The following SFPQ variants were observed in gnomAD, a reference collection of about 807,000 sequenced individuals.
SFPQ encodes the protein splicing factor proline and glutamine rich.
A neutral mutation model predicts 72.9 loss-of-function variants in SFPQ; 11 were observed. That is an observed-to-expected ratio of 0.15 (90% confidence interval 0.09 to 0.25). The LOEUF (loss-of-function observed/expected upper bound fraction) is 0.25, where lower values mean the gene tolerates loss of function less well. Ranked by LOEUF, SFPQ falls within the 10% of genes least tolerant of loss-of-function variation. SFPQ has a pLI of 1.00. For synonymous variants in SFPQ, 506 were observed against 367.3 expected (o/e 1.38, Z -4.32); for missense variants, 847 against 993.3 (o/e 0.85, Z 1.98).
downstream of SFPQ, chr1:35,179,669 G>A (rs1570106100): frequency 3.8e-6 from 4 of 1,055,888 alleles, 1 homozygote; most frequent in South Asian, 9.1e-5. Flanking sequence ...TCATTCTAAA[G>A]TGCAAAAGCC....
At chr1:35,177,797 G>A (rs960229498) in intron 4 of SFPQ, 1 of 184,308 alleles carries the variant, frequency 5.4e-6, no homozygotes, top group African/African-American at 2.4e-5. Flanking sequence ...AAATTCTATT[G>A]TTTGACATTT....
chr1:35,179,722 C>G (rs1340688235), downstream of SFPQ: 3 of 1,057,196 alleles, frequency 2.8e-6, no homozygotes, highest in Non-Finnish European at 3.4e-6. Context: ...ATTAACCCCC[C>G]ACCCCAATAA....
rs756649688 is a variant in SFPQ, at chr1:35,191,540, A to C, written c.829-11T>G. The C allele has an allele frequency of 5.6e-6, 9 of 1,600,424 alleles. No individual in the cohort carries two copies. Among genetic ancestry groups the C allele is most frequent in the East Asian group, 2.2e-5 (1 of 44,798 alleles). On this transcript the variant is annotated splice_polypyrimidine_tract_variant and intron_variant, in intron 1 of 9. Transcript: ENST00000357214. ...ATTGGCTTTAAACCCCTAATGAAAA[A>C]GGAAAGAAGTTTTCAAACACCAGAG...
At chr1:35,176,426 CCTT>C (rs1639239454) in exon 6 of SFPQ, 1 of 152,058 alleles carries the variant, frequency 6.6e-6, no homozygotes, top group Non-Finnish European at 1.5e-5. Flanking sequence ...GTTCATTCCT[CCTT>C]CCACTCCTTC....
chr1:35,178,702 C>T (rs1382345599), downstream of SFPQ: 2 of 1,054,480 alleles, frequency 1.9e-6, no homozygotes, highest in Non-Finnish European at 1.1e-6. Context: ...GTGCACAAAA[C>T]AAAGATCAGC....
intron 2 of SFPQ, among the ~76,000 whole-genome samples, 167 bp from the exon 3 acceptor site, chr1:35,191,162 T>C (rs1232099428): frequency 1.3e-5 from 2 of 152,172 alleles, no homozygotes; most frequent in African/African-American, 4.8e-5. Flanking sequence ...CACCCCTCTT[T>C]TCTCTTAGGT....
downstream of SFPQ, chr1:35,178,010 A>C (rs778812092): frequency 7.7e-7 from 1 of 1,296,644 alleles, no homozygotes; most frequent in Non-Finnish European, 1.0e-6. Flanking sequence ...GAGCACTCCA[A>C]TATCAGCCAA....
At chr1:35,186,475 C>A (rs1020478944) in intron 9 of SFPQ, among the ~76,000 whole-genome samples, 1 of 152,176 alleles carries the variant, frequency 6.6e-6, no homozygotes, top group Non-Finnish European at 1.5e-5. Flanking sequence ...ACAGGCCCAA[C>A]AGGTGGGAAA....
chr1:35,184,965 A>C (rs530810113), intron 9 of SFPQ, among the ~76,000 whole-genome samples: 2 of 152,338 alleles, frequency 1.3e-5, no homozygotes, highest in East Asian at 3.9e-4. Context: ...GTCTGAACGG[A>C]AATTTAATTT....
At position 35,187,269 on chromosome 1, in the gene SFPQ, C is replaced by A. The variant is rs1349683045; in HGVS notation, c.1816-18G>T. 6.2e-7 allele frequency: 1 copy of A among 1,613,138 alleles called. No homozygotes were observed. Among genetic ancestry groups the A allele is most frequent in the African/African-American group, 1.3e-5 (1 of 74,912 alleles). The stretch of plus-strand genomic sequence containing the variant: ...CTTTCCCGCTGCAAGAAAAAAATTC[C>A]TTTCAATATACCTGCACTATACCCA... On this transcript the variant is annotated intron_variant, in intron 7 of 9. Transcript: ENST00000357214.
chr1:35,182,843 G>C (rs1639526168), downstream of SFPQ: 1 of 1,048,098 alleles, frequency 9.5e-7, no homozygotes, highest in African/African-American at 1.7e-5. Flanking sequence ...ATACTAACAG[G>C]CAACAATAAA....
intron 6 of SFPQ, 128 bp downstream of exon 6, chr1:35,188,875 C>T (rs1039529005): frequency 7.1e-6 from 5 of 706,730 alleles, no homozygotes; most frequent in South Asian, 5.1e-5. Context: ...GCAAGAGAAT[C>T]GCTTGAACCC....
chr1:35,188,768 C>T (rs965082062), intron 6 of SFPQ, among the ~76,000 whole-genome samples: 3 of 152,112 alleles, frequency 2.0e-5, no homozygotes, highest in African/African-American at 7.2e-5. Context: ...GCCAGCCTGG[C>T]CAACATGGCG....
rs960653602 is a variant in SFPQ, at chr1:35,183,267, C to A, written c.*1189G>T. On this transcript the variant is annotated 3_prime_UTR_variant, in exon 10 of 10. Transcript: ENST00000357214. Reference sequence around the variant, plus strand: ...ACAGAGTCTCGCTCTGTTGTCCAGGCTGGAGTGCAGTGGCAGTCTCAGCTC... The same window carrying A: ...ACAGAGTCTCGCTCTGTTGTCCAGGATGGAGTGCAGTGGCAGTCTCAGCTC... 1.3e-6 allele frequency: 1 copy of A among 748,992 alleles called. No individual in the cohort carries two copies. The highest frequency in any genetic ancestry group is 1.6e-6 in the Non-Finnish European group (1 of 607,194). 46.4% of individuals were successfully genotyped at this position (748,992 alleles called of 1,614,324 possible). A position where few individuals can be genotyped will look rare whatever the true frequency, so the allele number is the denominator to read the frequency against.
Position 35,192,996 on chromosome 1 carries a change from C to T in SFPQ, c.54G>A (p.Arg18=), listed in dbSNP as rs1226206100. The T allele has an allele frequency of 6.3e-7, 1 of 1,575,998 alleles. No individual in the cohort carries two copies. Among genetic ancestry groups the T allele is most frequent in the East Asian group, 2.3e-5 (1 of 43,052 alleles). The change falls in exon 1 of 10, where the codon AGG becomes AGA. Residue 18 remains arginine (R), a synonymous_variant. Transcript: ENST00000357214. ...CGCCGCGGCCGCCGCCTCCTCCACG[C>T]CTGTGGAAGCCACCACCGCCACCGC... The part of the protein sequence containing the change: ...SRGGGGGGFH[R]RGGGGGRGGL...
intron 9 of SFPQ, among the ~76,000 whole-genome samples, chr1:35,186,322 C>G (rs1428327002): frequency 6.6e-6 from 1 of 152,180 alleles, no homozygotes; most frequent in African/African-American, 2.4e-5. Context: ...AAGCATCTGA[C>G]AGGCTATATT....
intron 6 of SFPQ, 138 bp downstream of exon 6, chr1:35,188,865 G>A: frequency 1.5e-6 from 1 of 673,084 alleles, no homozygotes; most frequent in South Asian, 1.8e-5. Flanking sequence ...GGAGGCTGAG[G>A]CAAGAGAATC....
intron 4 of SFPQ, among the ~76,000 whole-genome samples, chr1:35,177,837 T>C (rs189494492): frequency 6.6e-6 from 1 of 152,296 alleles, no homozygotes; most frequent in Non-Finnish European, 1.5e-5. Flanking sequence ...CTTTCTCACA[T>C]ACATCCCTAA....
chr1:35,187,422 C>A (rs1443110618), intron 7 of SFPQ, among the ~76,000 whole-genome samples, 171 bp from the exon 8 acceptor site: 1 of 152,088 alleles, frequency 6.6e-6, no homozygotes, highest in Non-Finnish European at 1.5e-5. Flanking sequence ...CTCAATTATC[C>A]AAAGACCTAC....
Sources: gnomAD v4.1 joint callset for allele counts (sites outside exome capture counted in the v4.1 genomes callset) on GRCh38, gnomAD v4.1.1 for gene constraint, MANE v1.5 for transcripts, NCBI Gene and HGNC (gene_info 2026-07-23, HGNC 2026-07-21) for gene names.